The following CTNNA2 variants were observed in gnomAD, a reference collection of about 807,000 sequenced individuals.
CTNNA2 encodes catenin alpha-2.
In CTNNA2, 42 loss-of-function variants were observed where a neutral mutation model predicts 101.0. The ratio of observed to expected loss-of-function variants is 0.42; its 90% CI spans 0.32 to 0.54. CTNNA2 has a LOEUF of 0.54. CTNNA2 is among the 20% of genes least tolerant of loss of function. CTNNA2 has a pLI of 0.14. For synonymous variants in CTNNA2, 450 were observed against 456.4 expected (o/e 0.99, Z 0.18); for missense variants, 871 against 1,223.1 (o/e 0.71, Z 4.29).
intron 9 of CTNNA2, among the ~76,000 whole-genome samples, chr2:80,529,768 C>G (rs1431984425): frequency 6.6e-6 from 1 of 152,164 alleles, no homozygotes; most frequent in Non-Finnish European, 1.5e-5. Context: ...AGAACACCAA[C>G]TTAAGCTTTA....
At chr2:79,442,391 G>T (rs1198623535) in intron 4 of CTNNA2, among the ~76,000 whole-genome samples, 1 of 152,102 alleles carries the variant, frequency 6.6e-6, no homozygotes, top group Non-Finnish European at 1.5e-5. Flanking sequence ...AGTTGAACTT[G>T]TCTAGGCAAT....
At chr2:79,306,354 T>C (rs906314098) in intron 2 of CTNNA2, among the ~76,000 whole-genome samples, 1 of 152,160 alleles carries the variant, frequency 6.6e-6, no homozygotes, top group African/African-American at 2.4e-5. Context: ...TAAATAGATG[T>C]TGTGTTGTCA....
intron 7 of CTNNA2, among the ~76,000 whole-genome samples, chr2:80,209,510 C>A (rs775054704): frequency 5.3e-5 from 8 of 151,970 alleles, no homozygotes; most frequent in Non-Finnish European, 1.2e-4. Context: ...TTTATTGTGC[C>A]ACAAATTTTT....
intron 18 of CTNNA2, among the ~76,000 whole-genome samples, chr2:80,645,977 T>A (rs2149869697): frequency 6.6e-6 from 1 of 152,234 alleles, no homozygotes; most frequent in African/African-American, 2.4e-5. Context: ...TTGACATTTT[T>A]AAAAACACAG....
chr2:79,233,113 A>AT (rs534212684), intron 2 of CTNNA2, among the ~76,000 whole-genome samples: 73 of 151,614 alleles, frequency 4.8e-4, no homozygotes, highest in Non-Finnish European at 9.9e-4. Context: ...GGAATGTTGT[A>AT]TTTTTTTTCT....
At chr2:79,362,963 A>G (rs1327507309) in intron 3 of CTNNA2, among the ~76,000 whole-genome samples, 1 of 152,226 alleles carries the variant, frequency 6.6e-6, no homozygotes, top group Non-Finnish European at 1.5e-5. Context: ...ATGAAAAAAC[A>G]GAGTAGAATT....
intron 4 of CTNNA2, among the ~76,000 whole-genome samples, chr2:79,436,495 T>TG (rs75222447): frequency 0.34 from 50,967 of 152,002 alleles, 8,678 homozygotes; most frequent in South Asian, 0.44. Context: ...TTAAAAACAC[T>TG]GATCCCACAC....
intron 3 of CTNNA2, among the ~76,000 whole-genome samples, chr2:79,332,083 T>C (rs1032077906): frequency 3.3e-5 from 5 of 152,002 alleles, no homozygotes; most frequent in East Asian, 3.9e-4. Context: ...CGAGATGGGG[T>C]TAGGGATTCT....
chr2:79,448,528 G>T (rs1300209113), intron 4 of CTNNA2, among the ~76,000 whole-genome samples: 1 of 152,032 alleles, frequency 6.6e-6, no homozygotes, highest in African/African-American at 2.4e-5. Flanking sequence ...AGTTGACACA[G>T]AAGACTTTAG....
chr2:79,437,488 A>G (rs563298254), intron 4 of CTNNA2, among the ~76,000 whole-genome samples: 2 of 152,276 alleles, frequency 1.3e-5, no homozygotes, highest in East Asian at 3.9e-4. Context: ...CTCTCACTCC[A>G]GTCCAGCAGT....
intron 7 of CTNNA2, among the ~76,000 whole-genome samples, chr2:80,039,688 T>G (rs1695908583): frequency 6.6e-6 from 1 of 152,214 alleles, no homozygotes; most frequent in Non-Finnish European, 1.5e-5. Flanking sequence ...AATCTTCCCT[T>G]TGATTTTTAT....
At chr2:80,493,439 G>A (rs912590031) in intron 9 of CTNNA2, among the ~76,000 whole-genome samples, 1 of 152,144 alleles carries the variant, frequency 6.6e-6, no homozygotes, top group Admixed American at 6.5e-5. Flanking sequence ...ATTGTGGAAG[G>A]CATGTGTAGT....
chr2:79,807,903 A>T (rs1048473801), intron 3 of CTNNA2, among the ~76,000 whole-genome samples: 1 of 152,160 alleles, frequency 6.6e-6, no homozygotes, highest in Non-Finnish European at 1.5e-5. Flanking sequence ...TCTTACTTTG[A>T]TATCAAGAAA....
At chr2:79,916,538 TCCC>T (rs1686220903) in intron 7 of CTNNA2, among the ~76,000 whole-genome samples, 1 of 6,924 alleles carries the variant, frequency 1.4e-4, no homozygotes, top group Non-Finnish European at 2.2e-4. Context: ...TCCCCTCCCC[TCCC>T]CTCCCCTCCC....
intron 2 of CTNNA2, among the ~76,000 whole-genome samples, chr2:79,283,019 C>T (rs1675441963): frequency 1.1e-5 from 1 of 88,554 alleles, no homozygotes; most frequent in South Asian, 4.9e-4. Flanking sequence ...TGATGATGAG[C>T]ATTTTTTCAT....
At chr2:79,765,587 T>A (rs886544559) in intron 3 of CTNNA2, among the ~76,000 whole-genome samples, 2 of 152,178 alleles carry the variant, frequency 1.3e-5, no homozygotes, top group Non-Finnish European at 2.9e-5. Context: ...CAGAAAGATC[T>A]ATCCCCACAT....
chr2:80,106,780 G>A (rs1470254279), intron 7 of CTNNA2, among the ~76,000 whole-genome samples: 2 of 152,086 alleles, frequency 1.3e-5, no homozygotes, highest in Non-Finnish European at 2.9e-5. Context: ...CTCCAGGAGG[G>A]AACTCCAGGA....
intron 2 of CTNNA2, among the ~76,000 whole-genome samples, chr2:79,691,840 A>AC (rs1342008450): frequency 1.3e-5 from 2 of 152,090 alleles, no homozygotes; most frequent in Non-Finnish European, 1.5e-5. Flanking sequence ...CTGAAACTGG[A>AC]CCCCTTCCTT....
intron 7 of CTNNA2, among the ~76,000 whole-genome samples, chr2:79,992,425 G>T (rs775515902): frequency 6.6e-6 from 1 of 152,172 alleles, no homozygotes; most frequent in Non-Finnish European, 1.5e-5. Context: ...ATATATTTTG[G>T]TTAATAGAGC....
Sources: allele counts gnomAD v4.1 joint callset (sites outside exome capture counted in the v4.1 genomes callset), GRCh38; gene constraint gnomAD v4.1.1; transcripts MANE v1.5; gene names NCBI Gene and HGNC (gene_info 2026-07-23, HGNC 2026-07-21).